ADARB2: variants seen among roughly 807,000 people sequenced by gnomAD.
The protein encoded by ADARB2 is inactive double-stranded RNA-specific editase B2.
In ADARB2, 25 loss-of-function variants were observed where a neutral mutation model predicts 62.2. The ratio of observed to expected loss-of-function variants is 0.40; its 90% CI spans 0.29 to 0.56. The LOEUF (loss-of-function observed/expected upper bound fraction) is 0.56, where lower values mean the gene tolerates loss of function less well. Among genes scored for constraint, ADARB2 ranks in the 20% least tolerant of loss-of-function variants. The pLI, the probability that ADARB2 is intolerant of heterozygous loss-of-function variation, is 0.43. For missense variants in ADARB2, 1,071 were observed against 1,077.4 expected, an observed-to-expected ratio of 0.99 and a Z score of 0.08; for synonymous variants, 572 against 500.8, an observed-to-expected ratio of 1.14 and a Z score of -1.90.
At chr10:1,459,989 C>T (rs1446764250) in intron 1 of ADARB2, among the ~76,000 whole-genome samples, 11 of 104,738 alleles carry the variant, frequency 1.1e-4, no homozygotes, top group African/African-American at 3.5e-4. Context: ...GCAAACCTGC[C>T]TGTGACCTGA....
At chr10:1,536,134 C>T (rs115655315) in intron 1 of ADARB2, among the ~76,000 whole-genome samples, 3,036 of 152,140 alleles carry the variant, frequency 0.02, 108 homozygotes, top group African/African-American at 0.069. Context: ...CTGATTCAGG[C>T]GTTGAAGCCT....
At chr10:1,392,141 C>T (rs973823736) in intron 1 of ADARB2, among the ~76,000 whole-genome samples, 34 of 152,230 alleles carry the variant, frequency 2.2e-4, no homozygotes, top group African/African-American at 7.0e-4. Flanking sequence ...ATACATAAAT[C>T]GAGCACTTTG....
chr10:1,351,438 GCCAA>G (rs1261075682), intron 3 of ADARB2, among the ~76,000 whole-genome samples: 1 of 151,420 alleles, frequency 6.6e-6, no homozygotes, highest in African/African-American at 2.4e-5. Flanking sequence ...CAACTCTGGT[GCCAA>G]CTTAGACAAT....
At chr10:1,309,681 C>T (rs1030273839) in intron 3 of ADARB2, among the ~76,000 whole-genome samples, 1 of 152,236 alleles carries the variant, frequency 6.6e-6, no homozygotes, top group African/African-American at 2.4e-5. Context: ...CAGGATGAGC[C>T]ACTAGGCTCT....
intron 8 of ADARB2, among the ~76,000 whole-genome samples, chr10:1,187,308 C>T (rs1453856274): frequency 6.6e-6 from 1 of 152,220 alleles, no homozygotes; most frequent in Non-Finnish European, 1.5e-5. Context: ...GAGGCAGTCA[C>T]TACCCTGATC....
At chr10:1,244,923 G>A (rs923668780) in intron 4 of ADARB2, among the ~76,000 whole-genome samples, 6 of 152,224 alleles carry the variant, frequency 3.9e-5, no homozygotes, top group African/African-American at 9.6e-5. Flanking sequence ...GATGTGTGTG[G>A]GAAAGTGGCG....
chr10:1,460,622 G>A lies in ADARB2; in HGVS notation c.101-81462C>T, dbSNP rs1435700893. Among the ~76,000 whole-genome samples, 4 of 112,092 alleles carry A rather than the reference G, an allele frequency of 3.6e-5. 1 individual carries two copies. Among genetic ancestry groups the A allele is most frequent in the Admixed American group, 2.5e-4 (3 of 11,814 alleles). 73.5% of individuals were successfully genotyped at this position (112,092 alleles called of 152,430 possible). Reference sequence around the variant, plus strand: ...CTGCCTGTGACCTGAGTTTACCTGCGTAGCAAACCTGCCTGTGACCTGAGT... The same window carrying A: ...CTGCCTGTGACCTGAGTTTACCTGCATAGCAAACCTGCCTGTGACCTGAGT... On this transcript the variant is annotated intron_variant, in intron 1 of 9. Coordinates refer to ENST00000381312, the MANE Select transcript of ADARB2 (RefSeq NM_018702.4).
chr10:1,302,157 G>C (rs2131817881), intron 3 of ADARB2, among the ~76,000 whole-genome samples: 1 of 152,348 alleles, frequency 6.6e-6, no homozygotes, highest in Admixed American at 6.5e-5. Context: ...GTGGGTGCAG[G>C]TCAGTGGGTG....
chr10:1,530,153 C>T lies in ADARB2; in HGVS notation c.101-150993G>A, dbSNP rs151077619. On this transcript the variant is annotated intron_variant, in intron 1 of 9. Coordinates refer to ENST00000381312, the MANE Select transcript of ADARB2 (RefSeq NM_018702.4). ...GCCACCTTGGGCACCCGTCCACTGC[C>T]TCGTGCCTTTCTCCTCTGCTCACCT... 8.5e-5 allele frequency among the ~76,000 whole-genome samples: 13 copies of T among 152,368 alleles called. No individual in the cohort carries two copies. The East Asian group carries it at 2.5e-3, about 29-fold the overall frequency.
intron 6 of ADARB2, among the ~76,000 whole-genome samples, chr10:1,226,821 T>C (rs535698475): frequency 3.6e-4 from 54 of 150,604 alleles, no homozygotes; most frequent in African/African-American, 1.1e-3. Context: ...TCTGCCTCTA[T>C]TGGGGGGGTG....
intron 4 of ADARB2, among the ~76,000 whole-genome samples, chr10:1,256,716 A>C (rs1172083591): frequency 6.6e-5 from 10 of 152,234 alleles, no homozygotes; most frequent in Non-Finnish European, 1.2e-4. Flanking sequence ...CATTTAGTAA[A>C]TATATTTAAT....
intron 1 of ADARB2, among the ~76,000 whole-genome samples, chr10:1,462,998 G>C (rs918068581): frequency 1.5e-5 from 2 of 136,834 alleles, no homozygotes; most frequent in Non-Finnish European, 3.1e-5. Flanking sequence ...AGTAGGGAAA[G>C]TACGTTTCTG....
intron 1 of ADARB2, among the ~76,000 whole-genome samples, chr10:1,453,166 G>A (rs1356608181): frequency 6.6e-6 from 1 of 152,210 alleles, no homozygotes; most frequent in Non-Finnish European, 1.5e-5. Context: ...TCAGCAAGAC[G>A]TTAGACAAGG....
intron 1 of ADARB2, among the ~76,000 whole-genome samples, chr10:1,709,337 T>A (rs1834926010): frequency 6.6e-6 from 1 of 152,224 alleles, no homozygotes; most frequent in Admixed American, 6.5e-5. Context: ...CTTGTAAAAC[T>A]GTAGTTATGT....
chr10:1,479,795 T>C (rs557478089), intron 1 of ADARB2, among the ~76,000 whole-genome samples: 34 of 152,332 alleles, frequency 2.2e-4, no homozygotes, highest in South Asian at 4.1e-4. Flanking sequence ...GGAAGTGTAT[T>C]TGAAGGACAC....
chr10:1,245,433 C>G (rs1219445937), intron 4 of ADARB2, among the ~76,000 whole-genome samples: 1 of 152,042 alleles, frequency 6.6e-6, no homozygotes, highest in Admixed American at 6.5e-5. Context: ...GTGTGCTGCA[C>G]CTGTTAACTT....
At chr10:1,729,636 G>A (rs1188241237) in intron 1 of ADARB2, among the ~76,000 whole-genome samples, 1 of 152,144 alleles carries the variant, frequency 6.6e-6, no homozygotes, top group African/African-American at 2.4e-5. Flanking sequence ...AATAAAACCT[G>A]CTTTTTGTTT....
chr10:1,458,012 G>GCTCT (rs71379127), intron 1 of ADARB2, among the ~76,000 whole-genome samples: 101,331 of 151,598 alleles, frequency 0.67, 34,608 homozygotes, highest in Non-Finnish European at 0.75. Context: ...TTTCTCTCCT[G>GCTCT]CTCTTTCCCC....
At chr10:1,254,117 G>C (rs1022960302) in intron 4 of ADARB2, among the ~76,000 whole-genome samples, 3 of 151,540 alleles carry the variant, frequency 2.0e-5, no homozygotes, top group Non-Finnish European at 4.4e-5. Flanking sequence ...GTTGACTCTG[G>C]TTAGGATGCA....
Sources: allele counts gnomAD v4.1 joint callset (sites outside exome capture counted in the v4.1 genomes callset), GRCh38; gene constraint gnomAD v4.1.1; transcripts MANE v1.5; gene names NCBI Gene and HGNC (gene_info 2026-07-23, HGNC 2026-07-21).